TRAM2: variants seen among roughly 807,000 people sequenced by gnomAD.
TRAM2 encodes translocating chain-associated membrane protein 2.
In TRAM2, 12 loss-of-function variants were observed where a neutral mutation model predicts 51.0. That is an observed-to-expected ratio of 0.24 (90% CI 0.15 to 0.38). The LOEUF is 0.38. Ranked by LOEUF, TRAM2 falls within the 10% of genes least tolerant of loss-of-function variation. TRAM2 has a pLI of 1.00. For missense variants in TRAM2, 361 were observed against 462.0 expected, an observed-to-expected ratio of 0.78 and a Z score of 2.00; for synonymous variants, 175 against 179.4, an observed-to-expected ratio of 0.98 and a Z score of 0.20.
intron 9 of TRAM2, 77 bp from the exon 10 acceptor site, chr6:52,504,831 A>G: frequency 7.1e-7 from 1 of 1,404,644 alleles, no homozygotes; most frequent in Admixed American, 2.0e-5. Context: ...GGGGAGAACA[A>G]GGGCCAGGGG....
intron 1 of TRAM2, among the ~76,000 whole-genome samples, chr6:52,552,288 C>T (rs1209228427): frequency 6.6e-6 from 1 of 152,254 alleles, no homozygotes; most frequent in Non-Finnish European, 1.5e-5. Flanking sequence ...GCTCCCCAGC[C>T]CTTTCACTAC....
chr6:52,571,771 C>T (rs1054614980), intron 1 of TRAM2, among the ~76,000 whole-genome samples: 5 of 152,178 alleles, frequency 3.3e-5, no homozygotes, highest in African/African-American at 1.2e-4. Context: ...CATATCATCT[C>T]TAAAATGAAA....
chr6:52,503,392 CAAAGG>C, intron 10 of TRAM2, 122 bp from the exon 11 acceptor site: 1 of 845,720 alleles, frequency 1.2e-6, no homozygotes. Flanking sequence ...ATGGATGCAC[CAAAGG>C]GGCGCCAGGC....
At chr6:52,562,459 T>C (rs1207407229) in intron 1 of TRAM2, among the ~76,000 whole-genome samples, 5 of 152,166 alleles carry the variant, frequency 3.3e-5, no homozygotes, top group South Asian at 2.1e-4. Context: ...ATATAATCAA[T>C]AGGAGAGAGC....
intron 3 of TRAM2, 88 bp from the exon 4 acceptor site, chr6:52,516,210 G>A: frequency 1.4e-5 from 17 of 1,232,964 alleles, no homozygotes; most frequent in Non-Finnish European, 2.0e-5. Context: ...CCCACAGAAG[G>A]GTTGAACATC....
intron 1 of TRAM2, among the ~76,000 whole-genome samples, chr6:52,538,681 T>C (rs112196709): frequency 2.0e-5 from 3 of 152,336 alleles, no homozygotes; most frequent in African/African-American, 7.2e-5. Context: ...CTTTGGGGCA[T>C]GGGCATTTTG....
chr6:52,536,302 G>A (rs1398800349), intron 1 of TRAM2, among the ~76,000 whole-genome samples: 1 of 152,198 alleles, frequency 6.6e-6, no homozygotes, highest in Non-Finnish European at 1.5e-5. Flanking sequence ...CCTGAAAGTC[G>A]ACACCTGAGC....
chr6:52,550,687 G>T (rs536318425), intron 1 of TRAM2, among the ~76,000 whole-genome samples: 14 of 152,174 alleles, frequency 9.2e-5, no homozygotes, highest in African/African-American at 3.4e-4. Context: ...GAATAGCTAG[G>T]ATTACAGGAA....
intron 2 of TRAM2, among the ~76,000 whole-genome samples, chr6:52,526,589 A>T (rs765073094): frequency 6.6e-6 from 1 of 152,086 alleles, no homozygotes; most frequent in Non-Finnish European, 1.5e-5. Context: ...GGGTTTCACC[A>T]TGTTGGCCAG....
At chr6:52,574,654 A>AG (rs35910132) in intron 1 of TRAM2, among the ~76,000 whole-genome samples, 1 of 152,214 alleles carries the variant, frequency 6.6e-6, no homozygotes, top group African/African-American at 2.4e-5. Flanking sequence ...TACAAGCCTA[A>AG]GGGGGAGGAA....
chr6:52,535,181 T>C (rs1766958209), intron 2 of TRAM2, among the ~76,000 whole-genome samples: 1 of 152,212 alleles, frequency 6.6e-6, no homozygotes, highest in Admixed American at 6.5e-5. Context: ...TCAATGGTCA[T>C]GATGCCTCAC....
intron 2 of TRAM2, among the ~76,000 whole-genome samples, chr6:52,525,952 C>A (rs74783265): frequency 7.9e-5 from 12 of 151,858 alleles, no homozygotes; most frequent in Admixed American, 6.6e-4. Flanking sequence ...TGACAAGAGA[C>A]AGGGAGATGA....
chr6:52,516,270 C>T, intron 3 of TRAM2, 148 bp from the exon 4 acceptor site: 4 of 718,284 alleles, frequency 5.6e-6, no homozygotes, highest in East Asian at 2.5e-5. Flanking sequence ...TGTAAGCCTA[C>T]TGCGTGCATA....
chr6:52,539,357 G>A (rs1460861695), intron 1 of TRAM2, among the ~76,000 whole-genome samples: 1 of 152,200 alleles, frequency 6.6e-6, no homozygotes, highest in Non-Finnish European at 1.5e-5. Flanking sequence ...GCACATCTCT[G>A]TGAATGACCA....
intron 7 of TRAM2, among the ~76,000 whole-genome samples, chr6:52,507,247 TG>T (rs1361897521): frequency 6.6e-6 from 1 of 152,230 alleles, no homozygotes; most frequent in East Asian, 1.9e-4. Context: ...CGACATCCAC[TG>T]GAAGTCTTCC....
At position 52,503,289 on chromosome 6, in the gene TRAM2, C is replaced by T. The variant is rs770384888; in HGVS notation, c.1040-19G>A. 2.5e-6 allele frequency: 4 copies of T among 1,609,812 alleles called. No homozygotes were observed. In the Admixed American group the frequency reaches 6.7e-5, roughly 27 times the overall value. On this transcript the variant is annotated intron_variant, in intron 10 of 10. Transcript: ENST00000182527. ...TGGTAACCTGGGAAGTGGAGAGAGACAAGCATACATGGTGTTTCTGCTGGA... is the reference window on the plus strand; with the variant it reads ...TGGTAACCTGGGAAGTGGAGAGAGATAAGCATACATGGTGTTTCTGCTGGA...
At chr6:52,530,055 T>A (rs997693721) in intron 2 of TRAM2, among the ~76,000 whole-genome samples, 1 of 152,226 alleles carries the variant, frequency 6.6e-6, no homozygotes, top group Non-Finnish European at 1.5e-5. Flanking sequence ...TTCAGATGAA[T>A]GATGATTAAT....
intron 1 of TRAM2, among the ~76,000 whole-genome samples, chr6:52,568,691 C>T (rs534276771): frequency 6.6e-6 from 1 of 152,322 alleles, no homozygotes; most frequent in Admixed American, 6.5e-5. Flanking sequence ...CCTTCTCCCT[C>T]TCCAATAGCC....
At chr6:52,569,524 G>T (rs894341972) in intron 1 of TRAM2, among the ~76,000 whole-genome samples, 8 of 151,688 alleles carry the variant, frequency 5.3e-5, no homozygotes, top group Non-Finnish European at 4.4e-5. Flanking sequence ...GCCTCACAAG[G>T]TATCTAAAAG....
Sources: gnomAD v4.1 joint callset for allele counts (sites outside exome capture counted in the v4.1 genomes callset) on GRCh38, gnomAD v4.1.1 for gene constraint, MANE v1.5 for transcripts, NCBI Gene and HGNC (gene_info 2026-07-23, HGNC 2026-07-21) for gene names.